The following MAN2A1 variants were observed in gnomAD, a reference collection of about 807,000 sequenced individuals.
The protein encoded by MAN2A1 is alpha-mannosidase 2.
MAN2A1 carries 76 observed loss-of-function variants against 142.6 expected under a neutral mutation model. The ratio of observed to expected loss-of-function variants is 0.53; its 90% CI spans 0.44 to 0.65. The LOEUF is 0.65. Among genes scored for constraint, MAN2A1 ranks in the 30% least tolerant of loss-of-function variants. The probability of loss-of-function intolerance (pLI) is 0.00; values close to 1 mark genes in which losing one functional copy is unlikely to be tolerated. For missense variants in MAN2A1, 1,311 were observed against 1,365.1 expected (o/e 0.96, Z 0.62); for synonymous variants, 559 against 473.2 (o/e 1.18, Z -2.35).
intron 5 of MAN2A1, among the ~76,000 whole-genome samples, chr5:109,756,142 A>G (rs1182623373): frequency 1.3e-5 from 2 of 152,032 alleles, no homozygotes; most frequent in Non-Finnish European, 2.9e-5. Context: ...AATTGTGGAG[A>G]GCAGGGTCAG....
At chr5:109,838,666 C>G (rs1284829709) in intron 16 of MAN2A1, among the ~76,000 whole-genome samples, 6 of 152,120 alleles carry the variant, frequency 3.9e-5, no homozygotes, top group Admixed American at 3.9e-4. Flanking sequence ...TCAGGGATAC[C>G]TCCTTGCTTT....
At chr5:109,819,635 A>G (rs1431810024) in intron 13 of MAN2A1, 34 bp from the exon 14 acceptor site, 1 of 1,306,972 alleles carries the variant, frequency 7.7e-7, no homozygotes, top group Admixed American at 2.3e-5. Context: ...GATAACATTT[A>G]TCTTTAATAA....
chr5:109,754,006 T>A (rs1191811933), intron 4 of MAN2A1, among the ~76,000 whole-genome samples: 1 of 149,716 alleles, frequency 6.7e-6, no homozygotes, highest in East Asian at 1.9e-4. Context: ...ACTCACAGGC[T>A]CAAGCAATCC....
At chr5:109,812,854 T>C (rs1047251917) in intron 12 of MAN2A1, among the ~76,000 whole-genome samples, 4 of 152,198 alleles carry the variant, frequency 2.6e-5, no homozygotes, top group African/African-American at 4.8e-5. Context: ...CTCCTAGTGG[T>C]ATTTTTCTGC....
intron 7 of MAN2A1, among the ~76,000 whole-genome samples, chr5:109,771,410 A>G (rs1561503748): frequency 2.6e-5 from 4 of 152,220 alleles, no homozygotes; most frequent in Admixed American, 6.5e-5. Context: ...TTTACCTTCA[A>G]TGAGTCCTTA....
chr5:109,733,716 T>C (rs1330067267), intron 4 of MAN2A1, among the ~76,000 whole-genome samples: 1 of 152,176 alleles, frequency 6.6e-6, no homozygotes, highest in Non-Finnish European at 1.5e-5. Flanking sequence ...TGAAGCCCAC[T>C]TGATCATGGT....
intron 7 of MAN2A1, among the ~76,000 whole-genome samples, chr5:109,771,719 G>A (rs2112652732): frequency 6.6e-6 from 1 of 152,258 alleles, no homozygotes; most frequent in Middle Eastern, 3.4e-3. Flanking sequence ...AGGGTTGAGT[G>A]TGGGGGCACC....
intron 12 of MAN2A1, among the ~76,000 whole-genome samples, chr5:109,789,781 T>C (rs1195764375): frequency 6.6e-6 from 1 of 151,850 alleles, no homozygotes. Flanking sequence ...ATGATAAATA[T>C]ATAGCTTATA....
intron 5 of MAN2A1, among the ~76,000 whole-genome samples, chr5:109,764,178 TTAAAC>T (rs1459847047): frequency 6.6e-6 from 1 of 152,166 alleles, no homozygotes; most frequent in Non-Finnish European, 1.5e-5. Context: ...CTGATTCCTC[TTAAAC>T]TATAGTATTA....
chr5:109,718,187 C>T (rs1390926419), intron 3 of MAN2A1, among the ~76,000 whole-genome samples: 2 of 152,216 alleles, frequency 1.3e-5, no homozygotes, highest in African/African-American at 2.4e-5. Flanking sequence ...GTGTAATCTT[C>T]CTTGTAGGCT....
At chr5:109,719,050 T>A (rs559554972) in intron 3 of MAN2A1, among the ~76,000 whole-genome samples, 1 of 152,336 alleles carries the variant, frequency 6.6e-6, no homozygotes, top group Admixed American at 6.5e-5. Context: ...ATAAGCTCTT[T>A]GAGGGCAGGG....
chr5:109,825,255 G>A (rs2112733187), intron 16 of MAN2A1, among the ~76,000 whole-genome samples: 1 of 152,256 alleles, frequency 6.6e-6, no homozygotes, highest in African/African-American at 2.4e-5. Context: ...AAGATATGCT[G>A]ATCTATTTTT....
At chr5:109,841,988 C>G (rs1227940402) in intron 16 of MAN2A1, among the ~76,000 whole-genome samples, 1 of 152,158 alleles carries the variant, frequency 6.6e-6, no homozygotes, top group Non-Finnish European at 1.5e-5. Flanking sequence ...GAGAAGTGGA[C>G]TGGCCTGTAG....
rs1755953174 is a variant in MAN2A1, at chr5:109,869,153, T to C, written c.*2155T>C. The C allele has an allele frequency of 6.6e-6, 1 of 152,170 alleles. No homozygotes were observed. Among genetic ancestry groups the C allele is most frequent in the Non-Finnish European group, 1.5e-5 (1 of 68,036 alleles). The allele number at this position is 152,170 out of a possible 1,614,324, so 9.4% of individuals were successfully genotyped here. On this transcript the variant is annotated 3_prime_UTR_variant, in exon 22 of 22. Transcript: ENST00000261483. ...AACAGAGAGGATGCTTTGCTTTGGG[T>C]TGTAGTCAAAAACTGATTAAATAAT...
chr5:109,864,935 A>C (rs748827633), intron 20 of MAN2A1, 101 bp from the exon 21 acceptor site: 7 of 818,212 alleles, frequency 8.6e-6, no homozygotes, highest in Non-Finnish European at 1.5e-5. Context: ...TTGCTAAATA[A>C]ATGTGCTTTT....
chr5:109,727,120 A>G (rs1161713476), intron 3 of MAN2A1, among the ~76,000 whole-genome samples: 1 of 152,136 alleles, frequency 6.6e-6, no homozygotes, highest in Admixed American at 6.5e-5. Flanking sequence ...TGCAATCTTT[A>G]TTTCTTGGAT....
chr5:109,816,232 A>C (rs1446184912), intron 12 of MAN2A1, among the ~76,000 whole-genome samples: 2 of 152,148 alleles, frequency 1.3e-5, no homozygotes, highest in Non-Finnish European at 2.9e-5. Flanking sequence ...TTTTTCAAAT[A>C]TAGTTTACTA....
intron 5 of MAN2A1, among the ~76,000 whole-genome samples, chr5:109,756,857 A>G (rs1173508311): frequency 6.6e-6 from 1 of 152,196 alleles, no homozygotes; most frequent in Non-Finnish European, 1.5e-5. Context: ...TTTGTGCTAA[A>G]CAATTGCTTT....
intron 20 of MAN2A1, among the ~76,000 whole-genome samples, chr5:109,856,474 G>T (rs1432758382): frequency 6.6e-6 from 1 of 152,182 alleles, no homozygotes; most frequent in Non-Finnish European, 1.5e-5. Flanking sequence ...GCTCCTAGAT[G>T]CTCTGGCACT....
Sources: allele counts gnomAD v4.1 joint callset (sites outside exome capture counted in the v4.1 genomes callset), GRCh38; gene constraint gnomAD v4.1.1; transcripts MANE v1.5; gene names NCBI Gene and HGNC (gene_info 2026-07-23, HGNC 2026-07-21).